Variants in BMPR1B observed in about 807,000 individuals in gnomAD.
BMPR1B encodes bone morphogenetic protein receptor type-1B.
Under a neutral mutation model 59.1 loss-of-function variants are expected in BMPR1B, and 12 were observed. That is an observed-to-expected ratio of 0.20 (90% CI 0.13 to 0.33). The LOEUF is 0.33. Among genes scored for constraint, BMPR1B ranks in the 10% least tolerant of loss-of-function variants. The probability of loss-of-function intolerance (pLI) is 1.00; values close to 1 mark genes in which losing one functional copy is unlikely to be tolerated. For missense variants in BMPR1B, 550 were observed against 610.9 expected (o/e 0.90, Z 1.05); for synonymous variants, 237 against 207.3 (o/e 1.14, Z -1.23).
intron 1 of BMPR1B, among the ~76,000 whole-genome samples, chr4:94,777,900 C>T (rs1393175159): frequency 2.0e-5 from 3 of 151,978 alleles, no homozygotes; most frequent in African/African-American, 4.8e-5. Flanking sequence ...GTGGCAGGCA[C>T]CTGTAATCCC....
chr4:94,974,565 CT>C (rs1170296566), intron 2 of BMPR1B, among the ~76,000 whole-genome samples: 6 of 152,136 alleles, frequency 3.9e-5, no homozygotes, highest in African/African-American at 1.4e-4. Context: ...TGCTGTATTT[CT>C]TACCTTTTCC....
chr4:94,801,466 C>G (rs951801803), intron 1 of BMPR1B, among the ~76,000 whole-genome samples: 3 of 152,196 alleles, frequency 2.0e-5, no homozygotes, highest in Non-Finnish European at 4.4e-5. Flanking sequence ...TAAGCCTGCC[C>G]TCCTCTATCT....
At chr4:95,055,509 G>A (rs913220460) in intron 3 of BMPR1B, among the ~76,000 whole-genome samples, 1 of 152,190 alleles carries the variant, frequency 6.6e-6, no homozygotes, top group African/African-American at 2.4e-5. Context: ...ATGTGGTTAT[G>A]TGTTTAAAAT....
At chr4:94,827,650 C>T (rs1351012747) in intron 1 of BMPR1B, among the ~76,000 whole-genome samples, 1 of 152,092 alleles carries the variant, frequency 6.6e-6, no homozygotes, top group Non-Finnish European at 1.5e-5. Context: ...CCTAATGATT[C>T]ATTCTTGCTG....
intron 1 of BMPR1B, among the ~76,000 whole-genome samples, chr4:94,770,888 C>CAAAAAA: frequency 1.1e-5 from 1 of 88,296 alleles, no homozygotes; most frequent in Non-Finnish European, 2.3e-5. Context: ...ATTAGCCCTG[C>CAAAAAA]AAAAAAAAAA....
At chr4:95,030,576 A>G (rs1724761795) in intron 3 of BMPR1B, among the ~76,000 whole-genome samples, 1 of 152,002 alleles carries the variant, frequency 6.6e-6, no homozygotes, top group Non-Finnish European at 1.5e-5. Context: ...GAGGAAGTCA[A>G]ATTGTTCCTG....
At position 94,779,771 on chromosome 4, in the gene BMPR1B, G is replaced by T. The variant is rs550806272; in HGVS notation, c.-183+21703G>T. 5.9e-5 allele frequency among the ~76,000 whole-genome samples: 9 copies of T among 152,130 alleles called. No individual in the cohort carries two copies. In the East Asian group the frequency reaches 1.7e-3, roughly 29 times the overall value. On this transcript the variant is annotated intron_variant, in intron 1 of 12. Coordinates refer to ENST00000515059, the MANE Select transcript of BMPR1B (RefSeq NM_001203.3). ...TGCTTGAATCTGGGAGGTGGAGGTT[G>T]CAGTGAGCCGAGATCGTGCCACCTC...
Position 94,814,933 on chromosome 4 carries a change from C to T in BMPR1B, c.-183+56865C>T, listed in dbSNP as rs564599182. Reference sequence around the variant, plus strand: ...TTATTTTTTTTTTGAGAAGGAATTTCGCTCTTGTTGCCTAGGCTGGAGTGC... The same window carrying T: ...TTATTTTTTTTTTGAGAAGGAATTTTGCTCTTGTTGCCTAGGCTGGAGTGC... On this transcript the variant is annotated intron_variant, in intron 1 of 12. Coordinates refer to ENST00000515059, the MANE Select transcript of BMPR1B (RefSeq NM_001203.3). Among the ~76,000 whole-genome samples, 6 of 151,500 alleles carry T rather than the reference C, an allele frequency of 4.0e-5. No homozygotes were observed. In the South Asian group the frequency reaches 6.3e-4, roughly 16 times the overall value.
intron 8 of BMPR1B, among the ~76,000 whole-genome samples, chr4:95,125,586 A>G (rs536572119): frequency 3.9e-5 from 6 of 152,206 alleles, no homozygotes; most frequent in Non-Finnish European, 7.3e-5. Context: ...GATGGTCAGC[A>G]CTGCCAACCT....
intron 2 of BMPR1B, among the ~76,000 whole-genome samples, chr4:94,893,925 G>A (rs1052634151): frequency 1.3e-5 from 2 of 152,038 alleles, no homozygotes; most frequent in African/African-American, 4.8e-5. Context: ...AAACAGTTCA[G>A]TTTTGTTGTC....
rs544538726 is a variant in BMPR1B, at chr4:94,994,221, T to G, written c.-112-1819T>G. Among the ~76,000 whole-genome samples, 8 of 152,342 alleles carry G rather than the reference T, an allele frequency of 5.3e-5. No individual in the cohort carries two copies. The South Asian group carries it at 1.7e-3, about 32-fold the overall frequency. On this transcript the variant is annotated intron_variant, in intron 2 of 12. Coordinates refer to ENST00000515059, the MANE Select transcript of BMPR1B (RefSeq NM_001203.3). ...TTGTCAACCTGGCTTATAAAATCCT[T>G]CATCACCTTATTCCTTCTAGTTGGT... is the stretch of plus-strand genomic sequence containing the variant.
At chr4:94,951,628 AG>A (rs1729942369) in intron 2 of BMPR1B, among the ~76,000 whole-genome samples, 1 of 152,110 alleles carries the variant, frequency 6.6e-6, no homozygotes, top group Admixed American at 6.5e-5. Context: ...GTGGTGGATA[AG>A]GTTTGTGATG....
chr4:94,799,606 G>C (rs1723327443), intron 1 of BMPR1B, among the ~76,000 whole-genome samples: 1 of 151,288 alleles, frequency 6.6e-6, no homozygotes, highest in Admixed American at 6.6e-5. Context: ...CCAGCCAACT[G>C]TGTTTTTAAT....
chr4:95,107,528 A>G (rs1579089356), intron 4 of BMPR1B, among the ~76,000 whole-genome samples: 1 of 152,216 alleles, frequency 6.6e-6, no homozygotes. Context: ...GTCAACATCA[A>G]TGGATTAACT....
At chr4:95,029,364 T>TG (rs1406454500) in intron 3 of BMPR1B, among the ~76,000 whole-genome samples, 4 of 151,572 alleles carry the variant, frequency 2.6e-5, no homozygotes, top group Admixed American at 6.6e-5. Context: ...TTTTTGTCCT[T>TG]GCGATAGTTT....
chr4:95,087,551 C>T (rs1224802947), intron 3 of BMPR1B, among the ~76,000 whole-genome samples: 1 of 151,824 alleles, frequency 6.6e-6, no homozygotes, highest in Non-Finnish European at 1.5e-5. Context: ...GACAACATGG[C>T]GAAATGCCGT....
At chr4:94,794,051 T>G (rs1050833369) in intron 1 of BMPR1B, among the ~76,000 whole-genome samples, 2 of 151,176 alleles carry the variant, frequency 1.3e-5, no homozygotes, top group African/African-American at 4.9e-5. Flanking sequence ...TTTTGGCTTT[T>G]GTTGCCATTG....
At chr4:94,899,734 A>G (rs1727732332) in intron 2 of BMPR1B, among the ~76,000 whole-genome samples, 1 of 151,972 alleles carries the variant, frequency 6.6e-6, no homozygotes, top group Non-Finnish European at 1.5e-5. Context: ...ATTCATGAAA[A>G]TTTGAGAAAA....
At chr4:94,878,752 T>TA (rs1560528940) in intron 2 of BMPR1B, among the ~76,000 whole-genome samples, 2 of 151,244 alleles carry the variant, frequency 1.3e-5, no homozygotes, top group African/African-American at 4.9e-5. Flanking sequence ...TTTTTTTTTT[T>TA]ACTTCTGATA....
Sources: allele counts gnomAD v4.1 joint callset (sites outside exome capture counted in the v4.1 genomes callset), GRCh38; gene constraint gnomAD v4.1.1; transcripts MANE v1.5; gene names NCBI Gene and HGNC (gene_info 2026-07-23, HGNC 2026-07-21).